LMTK2: variants seen among roughly 807,000 people sequenced by gnomAD.
LMTK2 encodes the protein serine/threonine-protein kinase LMTK2.
LMTK2 carries 37 observed loss-of-function variants against 127.5 expected under a neutral mutation model. The observed-to-expected ratio is 0.29, with a 90% confidence interval of 0.22 to 0.38. The LOEUF (loss-of-function observed/expected upper bound fraction) is 0.38, where lower values mean the gene tolerates loss of function less well. Among genes scored for constraint, LMTK2 ranks in the 10% least tolerant of loss-of-function variants. The probability of loss-of-function intolerance (pLI) is 1.00; values close to 1 mark genes in which losing one functional copy is unlikely to be tolerated. For synonymous variants in LMTK2, 819 were observed against 810.1 expected, an observed-to-expected ratio of 1.01 and a Z score of -0.19; for missense variants, 1,694 against 1,920.3, an observed-to-expected ratio of 0.88 and a Z score of 2.20.
intron 3 of LMTK2, among the ~76,000 whole-genome samples, chr7:98,147,058 GTCATCCCA>G (rs1388984492): frequency 2.6e-5 from 4 of 152,290 alleles, no homozygotes; most frequent in Admixed American, 6.5e-5. Flanking sequence ...CTTTCTCTGT[GTCATCCCA>G]CTGCCTTCTA....
At chr7:98,162,309 C>T (rs1199190387) in intron 6 of LMTK2, among the ~76,000 whole-genome samples, 1 of 151,872 alleles carries the variant, frequency 6.6e-6, no homozygotes, top group African/African-American at 2.4e-5. Context: ...GTATCTTTAT[C>T]ATTGTACAGA....
chr7:98,132,894 G>A (rs977442910), intron 1 of LMTK2, among the ~76,000 whole-genome samples: 1 of 152,084 alleles, frequency 6.6e-6, no homozygotes, highest in African/African-American at 2.4e-5. Context: ...AATTGGGCTG[G>A]AGTTATAATG....
chr7:98,175,835 A>C (rs1182984158), intron 7 of LMTK2, among the ~76,000 whole-genome samples: 6 of 152,252 alleles, frequency 3.9e-5, no homozygotes, highest in Non-Finnish European at 5.9e-5. Context: ...AGGTGATTAA[A>C]GAGCTTTCAT....
intron 6 of LMTK2, among the ~76,000 whole-genome samples, chr7:98,170,261 T>C (rs1278500408): frequency 1.3e-5 from 2 of 152,166 alleles, no homozygotes; most frequent in Non-Finnish European, 2.9e-5. Context: ...GGCTCAGGGC[T>C]CAAAGCACAA....
At chr7:98,140,179 T>TCG (rs770460117) in intron 2 of LMTK2, among the ~76,000 whole-genome samples, 1 of 73,500 alleles carries the variant, frequency 1.4e-5, no homozygotes, top group Non-Finnish European at 2.2e-5. Flanking sequence ...TTTCTTTCTT[T>TCG]TCTTTCTTCT....
chr7:98,176,690 C>T (rs1003279184), intron 7 of LMTK2, among the ~76,000 whole-genome samples: 2 of 151,946 alleles, frequency 1.3e-5, no homozygotes, highest in African/African-American at 4.8e-5. Flanking sequence ...ACTAAAAATA[C>T]AAAAAAATTA....
chr7:98,153,280 G>T (rs1467255067), intron 4 of LMTK2, among the ~76,000 whole-genome samples: 1 of 152,178 alleles, frequency 6.6e-6, no homozygotes, highest in African/African-American at 2.4e-5. Context: ...GAAACCAGGG[G>T]GAGGCTCTGC....
chr7:98,121,408 C>G (rs890465810), intron 1 of LMTK2, among the ~76,000 whole-genome samples: 2 of 151,658 alleles, frequency 1.3e-5, no homozygotes, highest in African/African-American at 4.8e-5. Flanking sequence ...GCAGGTGGAT[C>G]ATGAGGTTAG....
At chr7:98,159,529 C>A in intron 6 of LMTK2, 104 bp downstream of exon 6, 1 of 762,010 alleles carries the variant, frequency 1.3e-6, no homozygotes, top group East Asian at 2.6e-5. Context: ...ATGTCTGTCC[C>A]CCACTTGAAG....
chr7:98,115,938 G>A (rs1796275699), intron 1 of LMTK2, among the ~76,000 whole-genome samples: 1 of 152,110 alleles, frequency 6.6e-6, no homozygotes, highest in African/African-American at 2.4e-5. Flanking sequence ...CCAGGCTGGA[G>A]TGCAGTGAAC....
intron 1 of LMTK2, among the ~76,000 whole-genome samples, chr7:98,120,373 G>A (rs1467489052): frequency 6.6e-6 from 1 of 151,994 alleles, no homozygotes; most frequent in Non-Finnish European, 1.5e-5. Context: ...TGGTATAATT[G>A]CAACCTTTAA....
intron 5 of LMTK2, among the ~76,000 whole-genome samples, chr7:98,156,444 G>A (rs1354577379): frequency 1.3e-5 from 2 of 150,706 alleles, no homozygotes; most frequent in Non-Finnish European, 2.9e-5. Flanking sequence ...CAGCCTGGGC[G>A]ACAGAACAAG....
At chr7:98,197,116 A>G (rs1337891648) in intron 11 of LMTK2, among the ~76,000 whole-genome samples, 2 of 152,232 alleles carry the variant, frequency 1.3e-5, no homozygotes, top group African/African-American at 4.8e-5. Flanking sequence ...TGGTTATATT[A>G]CTATTTGTCA....
intron 4 of LMTK2, 127 bp downstream of exon 4, chr7:98,151,582 C>G: frequency 1.4e-6 from 1 of 694,200 alleles, no homozygotes; most frequent in South Asian, 2.2e-5. Flanking sequence ...ATTGAGTTTC[C>G]CCATTCCCCC....
At chr7:98,124,052 A>G (rs561194356) in intron 1 of LMTK2, among the ~76,000 whole-genome samples, 23 of 151,986 alleles carry the variant, frequency 1.5e-4, no homozygotes, top group African/African-American at 5.3e-4. Flanking sequence ...TGTTTCCCTC[A>G]GGTTCCTTTA....
At chr7:98,172,724 T>G (rs1232240441) in intron 7 of LMTK2, among the ~76,000 whole-genome samples, 3 of 152,100 alleles carry the variant, frequency 2.0e-5, no homozygotes, top group Admixed American at 6.5e-5. Flanking sequence ...GTGTCTTGAC[T>G]TGAAGAGATG....
At position 98,171,425 on chromosome 7, in the gene LMTK2, A is replaced by G. The variant is rs1797188878; in HGVS notation, c.658-116A>G. 1 of 1,351,770 alleles carries G rather than the reference A, an allele frequency of 7.4e-7. No homozygotes were observed. Among genetic ancestry groups the G allele is most frequent in the East Asian group, 2.3e-5 (1 of 43,304 alleles). The allele number at this position is 1,351,770 out of a possible 1,614,324, so 83.7% of individuals were successfully genotyped here. On this transcript the variant is annotated intron_variant, in intron 6 of 13. Transcript: ENST00000297293. This position sits in a 1 kb window ranked among gnomAD's most constrained non-coding sequence, Gnocchi z 5.1. ...TGGGTTGGAACTTCTTTAAGTATGA[A>G]CAAAAGAAGTTTCTAATAAATAATC...
chr7:98,173,881 C>T (rs542085215), intron 7 of LMTK2, among the ~76,000 whole-genome samples: 4 of 151,930 alleles, frequency 2.6e-5, no homozygotes, highest in Admixed American at 1.3e-4. Context: ...ACGGTGAAAC[C>T]CCGTCTCTAC....
chr7:98,191,119 TAA>T (rs764883061), intron 10 of LMTK2, among the ~76,000 whole-genome samples: 19 of 151,724 alleles, frequency 1.3e-4, no homozygotes, highest in African/African-American at 4.6e-4. Flanking sequence ...TATTTTTATT[TAA>T]AAAAAAATGT....
Sources: gnomAD v4.1 joint callset for allele counts (sites outside exome capture counted in the v4.1 genomes callset) on GRCh38, gnomAD v4.1.1 for gene constraint, Gnocchi (gnomAD v3.1) non-coding constraint, MANE v1.5 for transcripts, NCBI Gene and HGNC (gene_info 2026-07-23, HGNC 2026-07-21) for gene names.